The following FHIP1A variants were observed in gnomAD, a reference collection of about 807,000 sequenced individuals.
FHIP1A encodes the protein FHF complex subunit HOOK interacting protein 1A, also known as FHF complex subunit HOOK-interacting protein 1A.
FHIP1A carries 61 observed loss-of-function variants against 88.6 expected under a neutral mutation model. The observed-to-expected ratio is 0.69, with a 90% CI of 0.56 to 0.85. The LOEUF (loss-of-function observed/expected upper bound fraction) is 0.85, where lower values mean the gene tolerates loss of function less well. Among genes scored for constraint, FHIP1A ranks in the 40% least tolerant of loss-of-function variants. The pLI, the probability that FHIP1A is intolerant of heterozygous loss-of-function variation, is 0.00. For synonymous variants in FHIP1A, 478 were observed against 496.0 expected, an observed-to-expected ratio of 0.96 and a Z score of 0.48; for missense variants, 1,154 against 1,273.5, an observed-to-expected ratio of 0.91 and a Z score of 1.43.
intron 10 of FHIP1A, 131 bp downstream of exon 10, chr4:151,646,879 A>G (rs1254113314): frequency 1.6e-6 from 1 of 627,058 alleles, no homozygotes; most frequent in African/African-American, 1.8e-5. Context: ...ACTAGTTAGG[A>G]TCCTTTTCTG....
At position 151,649,687 on chromosome 4, in the gene FHIP1A, G is replaced by T; in HGVS notation, c.1646G>T (p.Cys549Phe). 2 of 1,551,590 alleles carry T rather than the reference G, an allele frequency of 1.3e-6. No homozygotes were observed. Among genetic ancestry groups the T allele is most frequent in the East Asian group, 4.9e-5 (2 of 40,902 alleles). Residue 549 changes from cysteine to phenylalanine, a missense_variant, in exon 11 of 14, where the codon TGC (cysteine) becomes TTC (phenylalanine). Physicochemically the swap from Cys to Phe is radical, Grantham distance 205. Transcript: ENST00000435205. ...GAGGAGGGCAGTGTGAGCTCGGCCT[G>T]CCCTGTGTTCGGGCTCCCGCAACAA... is the stretch of plus-strand genomic sequence containing the variant. ...LTEEGSVSSA[C>F]PVFGLPQQLP... is the part of the protein sequence containing the mutation.
At chr4:151,561,265 A>G (rs1037990085) in intron 3 of FHIP1A, among the ~76,000 whole-genome samples, 1 of 152,204 alleles carries the variant, frequency 6.6e-6, no homozygotes, top group Non-Finnish European at 1.5e-5. Flanking sequence ...TACTGAAATG[A>G]TGGACGTTTT....
intron 7 of FHIP1A, among the ~76,000 whole-genome samples, chr4:151,627,393 C>T (rs937106586): frequency 2.0e-5 from 3 of 152,170 alleles, no homozygotes; most frequent in East Asian, 1.9e-4. Flanking sequence ...TGCTTTCAAG[C>T]TTACTAAGGT....
chr4:151,433,602 G>A (rs1177938253), intron 1 of FHIP1A, among the ~76,000 whole-genome samples: 1 of 152,146 alleles, frequency 6.6e-6, no homozygotes, highest in Non-Finnish European at 1.5e-5. Context: ...CTCTGAGTTA[G>A]AAGAGGTGTT....
At position 151,667,248 on chromosome 4, in the gene FHIP1A, T is replaced by C. The variant is rs1737698244; in HGVS notation, c.*4494T>C. The C allele has an allele frequency of 6.6e-6, 1 of 152,248 alleles. No individual in the cohort carries two copies. The highest frequency in any genetic ancestry group is 1.5e-5 in the Non-Finnish European group (1 of 68,070). 9.4% of individuals were successfully genotyped at this position (152,248 alleles called of 1,614,324 possible). ...GAAGATATTCTAGGCCCCTTGTTGC[T>C]TCAGCCATCAGTCTATAAATAACAC... On this transcript the variant is annotated 3_prime_UTR_variant, in exon 14 of 14. Transcript: ENST00000435205.
At chr4:151,576,126 T>C (rs1733781579) in intron 4 of FHIP1A, among the ~76,000 whole-genome samples, 1 of 152,198 alleles carries the variant, frequency 6.6e-6, no homozygotes, top group African/African-American at 2.4e-5. Context: ...TTGTTTTAGT[T>C]TCCAGGTCGC....
Position 151,649,705 on chromosome 4 carries a change from C to T in FHIP1A, c.1664C>T (p.Pro555Leu), listed in dbSNP as rs567628337. The change falls in exon 11 of 14, where the codon CCG (proline) becomes CTG (leucine). Residue 555 changes from proline to leucine, a missense_variant. Coordinates refer to ENST00000435205, the MANE Select transcript of FHIP1A (RefSeq NM_001109977.3). Reference sequence around the variant, plus strand: ...TCGGCCTGCCCTGTGTTCGGGCTCCCGCAACAACTCCCCAGGAAGACAGGA... The same window carrying T: ...TCGGCCTGCCCTGTGTTCGGGCTCCTGCAACAACTCCCCAGGAAGACAGGA... ...VSSACPVFGL[P>L]QQLPRKTGPQ... 71 of 1,551,434 alleles carry T rather than the reference C, an allele frequency of 4.6e-5. No homozygotes were observed. The highest frequency in any genetic ancestry group is 5.2e-5 in the Non-Finnish European group (60 of 1,146,962).
chr4:151,473,071 T>G (rs1729581361), intron 2 of FHIP1A, among the ~76,000 whole-genome samples: 1 of 152,196 alleles, frequency 6.6e-6, no homozygotes, highest in African/African-American at 2.4e-5. Flanking sequence ...CCTGAAATTT[T>G]ATGTCTCTGT....
chr4:151,566,725 A>G (rs1044257323), intron 4 of FHIP1A, among the ~76,000 whole-genome samples: 1 of 152,118 alleles, frequency 6.6e-6, no homozygotes. Flanking sequence ...TTAAGCTCTA[A>G]TAATACTAAA....
intron 7 of FHIP1A, among the ~76,000 whole-genome samples, chr4:151,608,004 TTTTTCTTTTTTC>T (rs1028307109): frequency 1.3e-5 from 2 of 150,738 alleles, no homozygotes; most frequent in Non-Finnish European, 3.0e-5. Context: ...TTTGATTTTC[TTTTTCTTTTTTC>T]TTTTCTTTTT....
At chr4:151,607,836 C>G (rs927669380) in intron 7 of FHIP1A, among the ~76,000 whole-genome samples, 3 of 152,028 alleles carry the variant, frequency 2.0e-5, no homozygotes, top group African/African-American at 7.3e-5. Flanking sequence ...ATTTAAGTAA[C>G]CAGCTGAATC....
intron 1 of FHIP1A, among the ~76,000 whole-genome samples, chr4:151,426,654 C>T (rs1457646187): frequency 1.3e-5 from 2 of 152,074 alleles, no homozygotes; most frequent in Non-Finnish European, 2.9e-5. Context: ...AAAGGGCCAA[C>T]AGTTTTATTA....
intron 9 of FHIP1A, among the ~76,000 whole-genome samples, chr4:151,642,615 T>C (rs192683655): frequency 2.0e-5 from 3 of 152,320 alleles, no homozygotes; most frequent in East Asian, 1.9e-4. Flanking sequence ...TGGTGCATTG[T>C]TGGGGTTATC....
In FHIP1A at chr4:151,666,646, C is replaced by G. The variant is rs954956998; in HGVS notation, c.*3892C>G. ...CAGGGTCGAAAGTTGTTTCCAGTGT[C>G]TCCAAATCAGCTTGGCTGTGGCCGT... is the stretch of plus-strand genomic sequence containing the variant. On this transcript the variant is annotated 3_prime_UTR_variant, in exon 14 of 14. Coordinates refer to ENST00000435205, the MANE Select transcript of FHIP1A (RefSeq NM_001109977.3). Among the ~76,000 whole-genome samples, 1 of 152,160 alleles carries G rather than the reference C, an allele frequency of 6.6e-6. No individual in the cohort carries two copies. The highest frequency in any genetic ancestry group is 6.5e-5 in the Admixed American group (1 of 15,274).
chr4:151,448,349 A>T (rs558850371), intron 1 of FHIP1A, among the ~76,000 whole-genome samples: 1 of 152,322 alleles, frequency 6.6e-6, no homozygotes, highest in African/African-American at 2.4e-5. Context: ...TTTTAAGCAT[A>T]CAGTTCAGTC....
In FHIP1A at chr4:151,418,194, A is replaced by C. The variant is rs73864010; in HGVS notation, c.-356+8729A>C. Among the ~76,000 whole-genome samples, 1,115 of 151,240 alleles carry C rather than the reference A, an allele frequency of 7.4e-3. 9 individuals are homozygous for C. Among genetic ancestry groups the C allele is most frequent in the African/African-American group, 0.026 (1,073 of 41,216 alleles). The stretch of plus-strand genomic sequence containing the variant: ...CTCTAAAAAAAAAAAAAAAAAAAAA[A>C]ACAAGAGAAACTCTGACAACATGAA... On this transcript the variant is annotated intron_variant, in intron 1 of 13. Transcript: ENST00000435205.
intron 2 of FHIP1A, among the ~76,000 whole-genome samples, chr4:151,479,575 C>T (rs774581530): frequency 8.6e-5 from 13 of 151,980 alleles, no homozygotes; most frequent in Non-Finnish European, 1.6e-4. Flanking sequence ...CTTCTCTCTT[C>T]GTTGGTTGGT....
intron 3 of FHIP1A, among the ~76,000 whole-genome samples, chr4:151,557,857 G>A (rs1733012230): frequency 6.6e-6 from 1 of 152,148 alleles, no homozygotes; most frequent in Non-Finnish European, 1.5e-5. Flanking sequence ...CTATTGTAGG[G>A]TCTCTGAAAA....
chr4:151,657,918 G>A (rs1737310309), intron 13 of FHIP1A, among the ~76,000 whole-genome samples: 1 of 152,220 alleles, frequency 6.6e-6, no homozygotes, highest in African/African-American at 2.4e-5. Context: ...AATGTCCCTT[G>A]ACTTTTAAAT....
Sources: gnomAD v4.1 joint callset for allele counts (sites outside exome capture counted in the v4.1 genomes callset) on GRCh38, gnomAD v4.1.1 for gene constraint, MANE v1.5 for transcripts, NCBI Gene and HGNC (gene_info 2026-07-23, HGNC 2026-07-21) for gene names.